The following MROH2A variants were observed in gnomAD, a reference collection of about 807,000 sequenced individuals.
MROH2A encodes maestro heat-like repeat-containing protein family member 2A.
A neutral mutation model predicts 200.4 loss-of-function variants in MROH2A; 174 were observed. That is an observed-to-expected ratio of 0.87 (90% confidence interval 0.77 to 0.98). The LOEUF is 0.98. Ranked by LOEUF, MROH2A falls within the 50% of genes least tolerant of loss-of-function variation. The probability of loss-of-function intolerance (pLI) is 0.00; values close to 1 mark genes in which losing one functional copy is unlikely to be tolerated. For synonymous variants in MROH2A, 829 were observed against 840.4 expected, an observed-to-expected ratio of 0.99 and a Z score of 0.23; for missense variants, 2,045 against 2,139.6, an observed-to-expected ratio of 0.96 and a Z score of 0.87.
chr2:233,793,635 C>G (rs1338594359), intron 6 of MROH2A, 38 bp from the exon 7 acceptor site: 1 of 1,343,766 alleles, frequency 7.4e-7, no homozygotes, highest in East Asian at 3.1e-5. Context: ...CTTCCAGCCC[C>G]TCTGGCGCCA....
chr2:233,807,644 A>G lies in MROH2A; in HGVS notation c.2173-89A>G, dbSNP rs1702888215. ...ATGCGTTTTGTGTGTGTGTGTGTAC[A>G]TGTGTGTGTGCCTTGCACGTGTGTG... On this transcript the variant is annotated intron_variant, in intron 20 of 41. Transcript: ENST00000389758. This position sits in a 1 kb window ranked among gnomAD's most constrained non-coding sequence, Gnocchi z 4.3. 6.5e-7 allele frequency: 1 copy of G among 1,544,044 alleles called. No individual in the cohort carries two copies. Among genetic ancestry groups the G allele is most frequent in the Non-Finnish European group, 8.7e-7 (1 of 1,143,518 alleles).
chr2:233,802,078 G>C lies in MROH2A; in HGVS notation c.1561-90G>C, dbSNP rs1057049634. On this transcript the variant is annotated intron_variant, in intron 14 of 41. Transcript: ENST00000389758. ...GACATCTCTGGGGAAGCAGGGATGG[G>C]ATGGCACCATGGCAGAGCCTGACTG... 3 of 1,375,626 alleles carry C rather than the reference G, an allele frequency of 2.2e-6. No individual in the cohort carries two copies. In the African/African-American group the frequency reaches 4.4e-5, roughly 20 times the overall value. 85.2% of individuals were successfully genotyped at this position (1,375,626 alleles called of 1,614,324 possible).
At chr2:233,791,550 G>T (rs931200063) in intron 5 of MROH2A, among the ~76,000 whole-genome samples, 7 of 152,152 alleles carry the variant, frequency 4.6e-5, no homozygotes, top group African/African-American at 1.4e-4. Flanking sequence ...CAGAGGGCAG[G>T]TCTGGGCTTG....
rs1328307870 is a variant in MROH2A at position 233,823,613 on chromosome 2, G to A, written c.4062G>A (p.Arg1354=). 9.7e-6 allele frequency: 15 copies of A among 1,550,466 alleles called. No individual in the cohort carries two copies. Among genetic ancestry groups the A allele is most frequent in the Non-Finnish European group, 1.3e-5 (15 of 1,146,962 alleles). The change falls in exon 35 of 42, where the codon AGG becomes AGA. Residue 1354 remains arginine, a synonymous_variant. Transcript: ENST00000389758. ...AGAGGCTGGCCGAGCTGGTGCTCAG[G>A]GGCATGGACTCAGAAGTCCTGAGCT... ...HRQRLAELVL[R]GMDSEVLSCR...
chr2:233,830,615 ATGGCCCAGG>A (rs1374862499), intron 38 of MROH2A, among the ~76,000 whole-genome samples: 16 of 64,350 alleles, frequency 2.5e-4, no homozygotes, highest in African/African-American at 6.0e-4. Flanking sequence ...CCCAGGTGGG[ATGGCCCAGG>A]TGGCCCAGGT....
chr2:233,818,336 G>C (rs1478073745), intron 28 of MROH2A, among the ~76,000 whole-genome samples: 1 of 152,182 alleles, frequency 6.6e-6, no homozygotes, highest in Non-Finnish European at 1.5e-5. Flanking sequence ...CATTAGCCCA[G>C]ATTGACCCAT....
chr2:233,810,798 T>C lies in MROH2A; in HGVS notation c.2453T>C (p.Ile818Thr), dbSNP rs1381126902. Residue 818 changes from isoleucine to threonine, a missense_variant, in exon 23 of 42, where the codon ATC becomes ACC. By Grantham distance (89) the Ile-to-Thr change is moderately conservative. This residue lies in a region of MROH2A where 1,201 missense variants were observed against 1,311.3 expected (regional missense o/e 0.92). Coordinates refer to ENST00000389758, the MANE Select transcript of MROH2A (RefSeq NM_001394639.1). ...CTTTTCCCCTTCTGGGCTCAGGACA[T>C]CTGTCTCAAAATGGCCTTCATGAAG... ...IHHYVSSCQD[I>T]CLKMAFMKSV... 1.9e-6 allele frequency: 3 copies of C among 1,550,252 alleles called. No individual in the cohort carries two copies. The highest frequency in any genetic ancestry group is 2.6e-6 in the Non-Finnish European group (3 of 1,146,704).
At position 233,822,402 on chromosome 2, in the gene MROH2A, G is replaced by A; in HGVS notation, c.3712G>A (p.Glu1238Lys). 6.4e-7 allele frequency: 1 copy of A among 1,551,116 alleles called. No homozygotes were observed. The highest frequency in any genetic ancestry group is 8.7e-7 in the Non-Finnish European group (1 of 1,147,098). ...CCACCTTCTCATTCAGAAGCTGGAT[G>A]AGAATGACAAGCTCCCGGACTTCCT... ...TIHLLIQKLD[E>K]NDKLPDFLPD... Residue 1238 changes from glutamate to lysine, a missense_variant, in exon 33 of 42, where the codon GAG (glutamate) becomes AAG (lysine). By Grantham distance (56) the Glu-to-Lys change is moderately conservative. Around this residue, in one of 3 missense-constraint regions of MROH2A, gnomAD observed 1,201 missense variants for 1,311.3 expected, o/e 0.92. Transcript: ENST00000389758.
intron 12 of MROH2A, among the ~76,000 whole-genome samples, chr2:233,799,550 G>A (rs1702325218): frequency 6.6e-6 from 1 of 152,164 alleles, no homozygotes; most frequent in South Asian, 2.1e-4. Context: ...GGAAGGGAGG[G>A]AGGGAGCTTT....
intron 19 of MROH2A, among the ~76,000 whole-genome samples, chr2:233,806,632 A>G (rs1384989149): frequency 6.6e-6 from 1 of 152,182 alleles, no homozygotes; most frequent in East Asian, 1.9e-4. Flanking sequence ...GTTGGGGAGT[A>G]GGTGGAGAAA....
At chr2:233,801,745 G>A (rs1419366146) in intron 14 of MROH2A, among the ~76,000 whole-genome samples, 1 of 152,214 alleles carries the variant, frequency 6.6e-6, no homozygotes, top group Non-Finnish European at 1.5e-5. Context: ...TTGACTGAAT[G>A]ACTAGGTACA....
In MROH2A at chr2:233,789,879, G is replaced by A; in HGVS notation, c.436G>A (p.Ala146Thr). 1 of 1,550,252 alleles carries A rather than the reference G, an allele frequency of 6.5e-7. No individual in the cohort carries two copies. Among genetic ancestry groups the A allele is most frequent in the Non-Finnish European group, 8.7e-7 (1 of 1,146,820 alleles). The part of the protein sequence containing the change: ...EMEGYMKAEV[A>T]SDTLVALSRN... ...GGAGGGCTATATGAAGGCAGAGGTG[G>A]CCAGCGACACACTGGTGGCTCTGTC... Residue 146 changes from alanine (A) to threonine (T), a missense_variant, in exon 5 of 42, where the codon GCC becomes ACC. Transcript: ENST00000389758.
intron 7 of MROH2A, among the ~76,000 whole-genome samples, 154 bp downstream of exon 7, chr2:233,793,978 A>G (rs574185057): frequency 2.0e-4 from 30 of 152,204 alleles, no homozygotes; most frequent in Middle Eastern, 6.8e-3. Context: ...CGGGGAACTC[A>G]TGGATGCTGA....
chr2:233,809,943 T>C (rs1456275452), intron 22 of MROH2A, among the ~76,000 whole-genome samples: 2 of 152,148 alleles, frequency 1.3e-5, no homozygotes. Context: ...CCACCTTTAC[T>C]CTTCCTGTCT....
In MROH2A at chr2:233,800,284, TC is replaced by T. The variant is rs1702378559; in HGVS notation, c.1530del (p.Ile511LeufsTer8). 1 of 1,549,700 alleles carries T rather than the reference TC, an allele frequency of 6.5e-7. No individual in the cohort carries two copies. The highest frequency in any genetic ancestry group is 1.4e-5 in the African/African-American group (1 of 73,000). Reference sequence around the variant, plus strand: ...AAAGTCACCATGGACACTGTGAAGATCATTACCTCTTCTGTCAGTGGGATGA... The same window carrying T: ...AAAGTCACCATGGACACTGTGAAGATATTACCTCTTCTGTCAGTGGGATGA... The part of the protein sequence containing the change: ...VHKVTMDTVK[I>X]ITSSVSGMTT... On this transcript the variant is annotated frameshift_variant, in exon 14 of 42. Transcript: ENST00000389758. LOFTEE classifies it high-confidence loss of function.
chr2:233,779,853 G>GT lies in MROH2A; in HGVS notation c.276+2dup, dbSNP rs1700855564. The GT allele has an allele frequency of 6.5e-7, 1 of 1,549,032 alleles. No homozygotes were observed. On this transcript the variant is annotated splice_donor_variant, in intron 3 of 41. Coordinates refer to ENST00000389758, the MANE Select transcript of MROH2A (RefSeq NM_001394639.1). LOFTEE classifies it high-confidence loss of function. ...CATCCGCTGCCTGCAGGTGCCAGAG[G>GT]TAGGGCCATCTTACCCACTGGGCTC... is the stretch of plus-strand genomic sequence containing the variant.
In MROH2A at chr2:233,779,395, A is replaced by C; in HGVS notation, c.37A>C (p.Ser13Arg). ...EAITEAAVAS[S>R]EEVSEERDDL... ...CATTACAGAAGCAGCAGTAGCCTCA[A>C]GTGAGGAGGTGTCAGAGGAAAGAGA... Residue 13 changes from serine to arginine, a missense_variant, in exon 2 of 42, where the codon AGT becomes CGT. Physicochemically the swap from Ser to Arg is moderately radical, Grantham distance 110. Around this residue, in one of 3 missense-constraint regions of MROH2A, gnomAD observed 831 missense variants for 800.0 expected, o/e 1.04. Coordinates refer to ENST00000389758, the MANE Select transcript of MROH2A (RefSeq NM_001394639.1). The C allele has an allele frequency of 2.6e-6, 4 of 1,550,038 alleles. No individual in the cohort carries two copies. The highest frequency in any genetic ancestry group is 2.6e-6 in the Non-Finnish European group (3 of 1,146,420).
chr2:233,804,157 A>G lies in MROH2A; in HGVS notation c.1856A>G (p.Glu619Gly). 1 of 1,550,500 alleles carries G rather than the reference A, an allele frequency of 6.4e-7. No homozygotes were observed. The highest frequency in any genetic ancestry group is 8.7e-7 in the Non-Finnish European group (1 of 1,146,984). Residue 619 changes from glutamate (E) to glycine (G), a missense_variant, in exon 17 of 42, where the codon GAG becomes GGG. Physicochemically the swap from Glu to Gly is moderately conservative, Grantham distance 98. Transcript: ENST00000389758. ...SIAPSMADMW[E>G]LEIALLVRYL... The stretch of plus-strand genomic sequence containing the variant: ...GCACCCTCCATGGCCGACATGTGGG[A>G]GCTGGAGATTGCGCTACTGGTCCGG...
In MROH2A at chr2:233,804,176, G is replaced by C. The variant is rs377648962; in HGVS notation, c.1875G>C (p.Leu625=). Residue 625 remains leucine, a synonymous_variant, in exon 17 of 42, where the codon CTG becomes CTC. Coordinates refer to ENST00000389758, the MANE Select transcript of MROH2A (RefSeq NM_001394639.1). The part of the protein sequence containing the change: ...ADMWELEIAL[L]VRYLEEHTEF... ...TGTGGGAGCTGGAGATTGCGCTACT[G>C]GTCCGGTACCTGGAAGGTGAGGTTC... is the stretch of plus-strand genomic sequence containing the variant. 1.3e-6 allele frequency: 2 copies of C among 1,550,522 alleles called. No homozygotes were observed. The highest frequency in any genetic ancestry group is 1.4e-5 in the African/African-American group (1 of 73,148).
Sources: allele counts gnomAD v4.1 joint callset (sites outside exome capture counted in the v4.1 genomes callset), GRCh38; gene constraint gnomAD v4.1.1; regional missense constraint gnomAD v4.1.1; non-coding constraint Gnocchi (gnomAD v3.1); transcripts MANE v1.5; gene names NCBI Gene and HGNC (gene_info 2026-07-23, HGNC 2026-07-21).